The following DSCAM variants were observed in gnomAD, a reference collection of about 807,000 sequenced individuals.
DSCAM encodes DS cell adhesion molecule.
In DSCAM, 47 loss-of-function variants were observed where a neutral mutation model predicts 217.7. The observed-to-expected ratio is 0.22, with a 90% CI of 0.17 to 0.28. The LOEUF is 0.28. DSCAM is among the 10% of genes least tolerant of loss of function. DSCAM has a pLI of 1.00. For missense variants in DSCAM, 2,080 were observed against 2,618.3 expected, an observed-to-expected ratio of 0.79 and a Z score of 4.49; for synonymous variants, 1,056 against 1,015.3, an observed-to-expected ratio of 1.04 and a Z score of -0.76.
chr21:40,700,011 C>T (rs757233770), intron 2 of DSCAM, among the ~76,000 whole-genome samples: 41 of 152,172 alleles, frequency 2.7e-4, no homozygotes, highest in Admixed American at 1.0e-3. Flanking sequence ...AGCCTCAATG[C>T]TTCAAAAAAC....
intron 27 of DSCAM, among the ~76,000 whole-genome samples, chr21:40,071,608 C>T (rs2089293726): frequency 6.6e-6 from 1 of 152,194 alleles, no homozygotes; most frequent in South Asian, 2.1e-4. Context: ...TAATATTTTT[C>T]TATAATTCAA....
chr21:40,547,590 TA>T (rs947278923), intron 3 of DSCAM, among the ~76,000 whole-genome samples: 46 of 152,006 alleles, frequency 3.0e-4, no homozygotes, highest in Middle Eastern at 3.4e-3. Context: ...TTAGGAGAAA[TA>T]AAAGGCTTGC....
intron 11 of DSCAM, among the ~76,000 whole-genome samples, chr21:40,243,652 T>G (rs1238374482): frequency 1.3e-5 from 2 of 152,214 alleles, no homozygotes; most frequent in Non-Finnish European, 2.9e-5. Flanking sequence ...CATGGCAGCC[T>G]TCTAAAATCC....
intron 11 of DSCAM, among the ~76,000 whole-genome samples, chr21:40,212,044 T>C (rs1409349965): frequency 6.6e-6 from 1 of 151,832 alleles, no homozygotes; most frequent in East Asian, 1.9e-4. Context: ...ATCTCTGCTC[T>C]CTGCAGCTTC....
chr21:40,152,672 G>T (rs746187625), intron 16 of DSCAM, among the ~76,000 whole-genome samples: 5 of 152,240 alleles, frequency 3.3e-5, no homozygotes, highest in Non-Finnish European at 4.4e-5. Flanking sequence ...GTATTTGCAC[G>T]GTGTGCAAGT....
At position 40,379,366 on chromosome 21, in the gene DSCAM, T is replaced by C. The variant is rs1293830118; in HGVS notation, c.509-10121A>G. Among the ~76,000 whole-genome samples the C allele has an allele frequency of 2.6e-5, 4 of 152,136 alleles. No homozygotes were observed. The East Asian group carries it at 5.8e-4, about 22-fold the overall frequency. Reference sequence around the variant, plus strand: ...AACCAAACCCATGTAACACACAACATAGAAGGAGATAAATTTAGGATGATG... The same window carrying C: ...AACCAAACCCATGTAACACACAACACAGAAGGAGATAAATTTAGGATGATG... On this transcript the variant is annotated intron_variant, in intron 3 of 32. Coordinates refer to ENST00000400454, the MANE Select transcript of DSCAM (RefSeq NM_001389.5).
intron 11 of DSCAM, among the ~76,000 whole-genome samples, chr21:40,217,827 G>A (rs1033343297): frequency 3.9e-5 from 6 of 152,054 alleles, no homozygotes; most frequent in African/African-American, 1.4e-4. Context: ...AGAAGTGTCT[G>A]TTCACGTCCT....
At chr21:40,279,434 C>T (rs1474385389) in intron 10 of DSCAM, among the ~76,000 whole-genome samples, 1 of 152,246 alleles carries the variant, frequency 6.6e-6, no homozygotes, top group African/African-American at 2.4e-5. Flanking sequence ...GATACCATCT[C>T]ATGCCAGTCA....
At chr21:40,642,903 G>A (rs1328209663) in intron 3 of DSCAM, among the ~76,000 whole-genome samples, 1 of 152,122 alleles carries the variant, frequency 6.6e-6, no homozygotes, top group Non-Finnish European at 1.5e-5. Context: ...GAATCACCAG[G>A]GCAGAGGGCC....
At chr21:40,841,656 C>T (rs1290182882) in intron 1 of DSCAM, among the ~76,000 whole-genome samples, 4 of 152,268 alleles carry the variant, frequency 2.6e-5, no homozygotes, top group Admixed American at 2.6e-4. Flanking sequence ...ACCCCTGTCA[C>T]CATCAGCAGG....
At chr21:40,226,950 T>C (rs1053625512) in intron 11 of DSCAM, among the ~76,000 whole-genome samples, 1 of 152,126 alleles carries the variant, frequency 6.6e-6, no homozygotes, top group African/African-American at 2.4e-5. Context: ...TCTCTCTGTG[T>C]CCATGCGTTC....
intron 3 of DSCAM, among the ~76,000 whole-genome samples, chr21:40,591,972 C>T (rs1043244558): frequency 6.6e-6 from 1 of 152,170 alleles, no homozygotes; most frequent in Non-Finnish European, 1.5e-5. Flanking sequence ...CCAGGACTCT[C>T]CCCCATGGCC....
At chr21:40,033,244 G>T (rs941379655) in intron 32 of DSCAM, among the ~76,000 whole-genome samples, 2 of 152,140 alleles carry the variant, frequency 1.3e-5, no homozygotes, top group Non-Finnish European at 2.9e-5. Context: ...GGGTGATTTC[G>T]GCATTTCCAT....
In DSCAM at chr21:40,399,695, C is replaced by T. The variant is rs1469282672; in HGVS notation, c.509-30450G>A. On this transcript the variant is annotated intron_variant, in intron 3 of 32. Coordinates refer to ENST00000400454, the MANE Select transcript of DSCAM (RefSeq NM_001389.5). ...TCAGCAAAAAATGCTGCCACGGTTTCTGTTAGAAGCTGCTTATTCATTCAT... is the reference window on the plus strand; with the variant it reads ...TCAGCAAAAAATGCTGCCACGGTTTTTGTTAGAAGCTGCTTATTCATTCAT... Among the ~76,000 whole-genome samples, 4 of 152,294 alleles carry T rather than the reference C, an allele frequency of 2.6e-5. No homozygotes were observed. In the East Asian group the frequency reaches 7.7e-4, roughly 29 times the overall value.
chr21:40,732,047 CCCCATCT>C (rs1190379918), intron 1 of DSCAM, among the ~76,000 whole-genome samples: 2 of 152,086 alleles, frequency 1.3e-5, no homozygotes, highest in African/African-American at 4.8e-5. Context: ...TCTTTAAAAG[CCCCATCT>C]CCACATACAA....
At chr21:40,488,213 G>A (rs375020408) in intron 3 of DSCAM, among the ~76,000 whole-genome samples, 47 of 152,326 alleles carry the variant, frequency 3.1e-4, no homozygotes, top group African/African-American at 1.1e-3. Context: ...GTGGCTGGCT[G>A]GAGACGGACA....
At position 40,167,332 on chromosome 21, in the gene DSCAM, G is replaced by A. The variant is rs74862130; in HGVS notation, c.2948-44C>T. On this transcript the variant is annotated intron_variant, in intron 15 of 32. Coordinates refer to ENST00000400454, the MANE Select transcript of DSCAM (RefSeq NM_001389.5). ...CACAGGCAGGTTAGAGACGCTTTCC[G>A]GAGCAGATCGAAGCCTACACAGCCA... 0.016 allele frequency: 24,639 copies of A among 1,583,998 alleles called. 2,117 individuals carry two copies. The East Asian group carries it at 0.27, about 18-fold the overall frequency.
intron 3 of DSCAM, among the ~76,000 whole-genome samples, chr21:40,417,854 A>C (rs2075386898): frequency 6.6e-6 from 1 of 152,218 alleles, no homozygotes; most frequent in Non-Finnish European, 1.5e-5. Context: ...TGTTTATACA[A>C]ATTATCTCAT....
At chr21:40,255,260 T>C (rs1233102507) in intron 11 of DSCAM, among the ~76,000 whole-genome samples, 1 of 152,144 alleles carries the variant, frequency 6.6e-6, no homozygotes, top group African/African-American at 2.4e-5. Context: ...GCTCCGTTTT[T>C]GTGGTGTGAT....
Sources: gnomAD v4.1 joint callset for allele counts (sites outside exome capture counted in the v4.1 genomes callset) on GRCh38, gnomAD v4.1.1 for gene constraint, MANE v1.5 for transcripts, NCBI Gene and HGNC (gene_info 2026-07-23, HGNC 2026-07-21) for gene names.